Variants in APOBEC3D observed in about 807,000 individuals in gnomAD.
APOBEC3D encodes the protein apolipoprotein B mRNA editing enzyme catalytic subunit 3D.
In APOBEC3D, 37 loss-of-function variants were observed where a neutral mutation model predicts 45.6. The ratio of observed to expected loss-of-function variants is 0.81; its 90% confidence interval spans 0.62 to 1.07. The LOEUF (loss-of-function observed/expected upper bound fraction) is 1.07. Among genes scored for constraint, APOBEC3D ranks in the 50% least tolerant of loss-of-function variants. The probability of loss-of-function intolerance (pLI) is 0.00; values close to 1 mark genes in which losing one functional copy is unlikely to be tolerated. For missense variants in APOBEC3D, 496 were observed against 495.3 expected (o/e 1.00, Z -0.01); for synonymous variants, 175 against 180.7 (o/e 0.97, Z 0.25).
At chr22:39,030,299 C>T (rs1336098247) in intron 5 of APOBEC3D, among the ~76,000 whole-genome samples, 1 of 114,780 alleles carries the variant, frequency 8.7e-6, no homozygotes, top group African/African-American at 3.0e-5. Flanking sequence ...AACCCTGCGG[C>T]CCCCTCCTCC....
Position 39,032,511 on chromosome 22 carries a change from C to T in APOBEC3D, c.*195C>T. ...CCAGGCTCTTCTTGTAGAGGCTCTCCATCCACCTCCCCAGTCCTGTTCCCC... is the reference window on the plus strand; with the variant it reads ...CCAGGCTCTTCTTGTAGAGGCTCTCTATCCACCTCCCCAGTCCTGTTCCCC... On this transcript the variant is annotated 3_prime_UTR_variant, in exon 7 of 7. Transcript: ENST00000216099. 7.2e-7 allele frequency: 1 copy of T among 1,386,184 alleles called. No individual in the cohort carries two copies. The highest frequency in any genetic ancestry group is 9.3e-7 in the Non-Finnish European group (1 of 1,072,526). The allele number at this position is 1,386,184 out of a possible 1,614,324, so 85.9% of individuals were successfully genotyped here.
At chr22:39,029,234 G>A in intron 4 of APOBEC3D, 129 bp from the exon 5 acceptor site, 7 of 1,074,094 alleles carry the variant, frequency 6.5e-6, no homozygotes, top group African/African-American at 1.6e-5. Flanking sequence ...GCCTGGGAAA[G>A]CAGCAGACAT....
chr22:39,024,996 C>G, intron 2 of APOBEC3D, 74 bp from the exon 3 acceptor site: 2 of 577,284 alleles, frequency 3.5e-6, no homozygotes, highest in Non-Finnish European at 3.0e-6. Context: ...CCTGGCCCCT[C>G]CTCCCCCTGC....
intron 2 of APOBEC3D, among the ~76,000 whole-genome samples, chr22:39,024,575 C>T (rs1925440255): frequency 6.6e-6 from 1 of 152,116 alleles, no homozygotes; most frequent in African/African-American, 2.4e-5. Context: ...CCAGGAAGTC[C>T]AACGTCAAGG....
chr22:39,024,854 C>T (rs1925466187), intron 2 of APOBEC3D, among the ~76,000 whole-genome samples: 1 of 152,182 alleles, frequency 6.6e-6, no homozygotes, highest in African/African-American at 2.4e-5. Flanking sequence ...ATAGCCTCTT[C>T]TAGGTGCCAC....
intron 2 of APOBEC3D, 59 bp from the exon 3 acceptor site, chr22:39,025,010 AC>A (rs955434203): frequency 4.8e-5 from 7 of 146,880 alleles, no homozygotes; most frequent in African/African-American, 1.2e-4. Context: ...CCCCTGCCCC[AC>A]CCCGCACCCC....
chr22:39,027,726 C>CCCCCTG (rs1182304583), intron 4 of APOBEC3D, among the ~76,000 whole-genome samples: 2 of 152,192 alleles, frequency 1.3e-5, no homozygotes, highest in African/African-American at 4.8e-5. Context: ...GCCCTGGCCT[C>CCCCCTG]CCCCTGCCCC....
intron 1 of APOBEC3D, among the ~76,000 whole-genome samples, chr22:39,022,100 G>A (rs1925169819): frequency 6.6e-6 from 1 of 152,250 alleles, no homozygotes; most frequent in African/African-American, 2.4e-5. Context: ...AACATGACCA[G>A]TAACATGGAA....
intron 4 of APOBEC3D, among the ~76,000 whole-genome samples, chr22:39,028,981 A>G (rs561106945): frequency 1.3e-5 from 2 of 152,282 alleles, no homozygotes; most frequent in Admixed American, 6.5e-5. Context: ...AATCATCATC[A>G]TCATCGGACA....
intron 4 of APOBEC3D, among the ~76,000 whole-genome samples, chr22:39,028,395 G>A (rs1649309568): frequency 6.6e-6 from 1 of 152,254 alleles, no homozygotes; most frequent in Non-Finnish European, 1.5e-5. Flanking sequence ...GCTCTGTGGT[G>A]TGGGCAGATT....
chr22:39,023,803 C>T (rs924149212), intron 2 of APOBEC3D, among the ~76,000 whole-genome samples: 27 of 152,028 alleles, frequency 1.8e-4, no homozygotes, highest in Non-Finnish European at 2.2e-4. Context: ...TTGACCGCCC[C>T]GGCCACCGCC....
chr22:39,023,079 A>AT (rs1039247965), intron 2 of APOBEC3D, 65 bp downstream of exon 2: 7 of 1,263,930 alleles, frequency 5.5e-6, no homozygotes, highest in Non-Finnish European at 3.1e-6. Context: ...TCAACTGTGT[A>AT]TTTTTTCCCC....
At chr22:39,023,177 G>A (rs773825215) in intron 2 of APOBEC3D, among the ~76,000 whole-genome samples, 163 bp downstream of exon 2, 2 of 148,864 alleles carry the variant, frequency 1.3e-5, no homozygotes, top group South Asian at 4.3e-4. Context: ...GTGCAGTGGT[G>A]CGATCTCAGA....
At chr22:39,030,609 G>A (rs1019797357) in intron 5 of APOBEC3D, among the ~76,000 whole-genome samples, 49 of 151,918 alleles carry the variant, frequency 3.2e-4, no homozygotes, top group African/African-American at 1.1e-3. Flanking sequence ...TATTTTACAC[G>A]TGCCAACGTT....
chr22:39,029,819 C>T (rs1172775501), intron 5 of APOBEC3D, among the ~76,000 whole-genome samples: 1 of 152,012 alleles, frequency 6.6e-6, no homozygotes, highest in Non-Finnish European at 1.5e-5. Context: ...CCGTGGTGGC[C>T]AGGCTGGTTT....
rs34108294 is a variant in APOBEC3D at position 39,032,589 on chromosome 22, CTTTTTTTTTT to C, written c.*286_*295del. ...TCCCATCTCCCCAGCATAACCAAATCTTTTTTTTTTTTTTTTTTTTTTGAGACGGAGTTTC... is the reference window on the plus strand; with the variant it reads ...TCCCATCTCCCCAGCATAACCAAATCTTTTTTTTTTTTGAGACGGAGTTTC... On this transcript the variant is annotated 3_prime_UTR_variant, in exon 7 of 7. Transcript: ENST00000216099. 43 of 886,592 alleles carry C rather than the reference CTTTTTTTTTT, an allele frequency of 4.9e-5. No individual in the cohort carries two copies. The highest frequency in any genetic ancestry group is 5.5e-5 in the Non-Finnish European group (42 of 770,560). The allele number at this position is 886,592 out of a possible 1,614,324, so 54.9% of individuals were successfully genotyped here.
chr22:39,023,603 T>C (rs6519162), intron 2 of APOBEC3D, among the ~76,000 whole-genome samples: 115,924 of 151,730 alleles, frequency 0.76, 44,652 homozygotes, highest in East Asian at 0.89. Flanking sequence ...CACGCCACCG[T>C]GCCCAGCTAA....
Position 39,033,250 on chromosome 22 carries a change from G to A in APOBEC3D, c.*934G>A. On this transcript the variant is annotated 3_prime_UTR_variant, in exon 7 of 7. Coordinates refer to ENST00000216099, the MANE Select transcript of APOBEC3D (RefSeq NM_152426.4). ...TCAATAAATACACTCAACCTAAATG[G>A]ATATGAATATATGTAAGTTGAAAAC... 1.0e-6 allele frequency: 1 copy of A among 978,156 alleles called. No individual in the cohort carries two copies. Among genetic ancestry groups the A allele is most frequent in the Non-Finnish European group, 1.2e-6 (1 of 823,432 alleles). 60.6% of individuals were successfully genotyped at this position (978,156 alleles called of 1,614,324 possible). A position where few individuals can be genotyped will look rare whatever the true frequency, so the allele number is the denominator to read the frequency against.
chr22:39,027,615 C>A (rs1181333689), intron 4 of APOBEC3D, among the ~76,000 whole-genome samples: 1 of 152,222 alleles, frequency 6.6e-6, no homozygotes, highest in Non-Finnish European at 1.5e-5. Flanking sequence ...GACAAGCCTG[C>A]CAGGGAGGCT....
Sources: allele counts gnomAD v4.1 joint callset (sites outside exome capture counted in the v4.1 genomes callset), GRCh38; gene constraint gnomAD v4.1.1; transcripts MANE v1.5; gene names NCBI Gene and HGNC (gene_info 2026-07-23, HGNC 2026-07-21).